IARS2: variants seen among roughly 807,000 people sequenced by gnomAD.
IARS2 encodes isoleucine--tRNA ligase, mitochondrial.
Under a neutral mutation model 126.3 loss-of-function variants are expected in IARS2, and 56 were observed. That is an observed-to-expected ratio of 0.44 (90% CI 0.36 to 0.55). The LOEUF (loss-of-function observed/expected upper bound fraction) is 0.55. Ranked by LOEUF, IARS2 falls within the 20% of genes least tolerant of loss-of-function variation. The pLI, the probability that IARS2 is intolerant of heterozygous loss-of-function variation, is 0.00. For synonymous variants in IARS2, 407 were observed against 441.1 expected (o/e 0.92, Z 0.97); for missense variants, 1,127 against 1,245.9 (o/e 0.90, Z 1.44).
At chr1:220,103,650 T>C in intron 8 of IARS2, 88 bp downstream of exon 8, 1 of 769,760 alleles carries the variant, frequency 1.3e-6, no homozygotes, top group South Asian at 1.5e-5. Flanking sequence ...ATATTTTGAA[T>C]TGAAACAGAT....
At position 220,107,236 on chromosome 1, in the gene IARS2, C is replaced by T. The variant is rs1173222158; in HGVS notation, c.1327+85C>T. 3.7e-6 allele frequency: 3 copies of T among 810,434 alleles called. No homozygotes were observed. The Admixed American group carries it at 6.6e-5, about 18-fold the overall frequency. The allele number at this position is 810,434 out of a possible 1,614,324, so 50.2% of individuals were successfully genotyped here. On this transcript the variant is annotated intron_variant, in intron 10 of 22. Transcript: ENST00000366922. ...TTGCTACCTATTTTCCCTCCTTATA[C>T]TTTAACAGAAACAAAAAAATAAATT...
intron 14 of IARS2, among the ~76,000 whole-genome samples, chr1:220,128,018 A>G (rs1657187933): frequency 6.6e-6 from 1 of 152,192 alleles, no homozygotes; most frequent in Non-Finnish European, 1.5e-5. Context: ...GACTGCATAT[A>G]TGATGATGGC....
chr1:220,101,990 G>A, intron 3 of IARS2, 139 bp from the exon 4 acceptor site: 1 of 716,070 alleles, frequency 1.4e-6, no homozygotes, highest in South Asian at 1.9e-5. Flanking sequence ...TAGCCTGGGT[G>A]ACAGCGAGAC....
In IARS2 at chr1:220,114,493, T is replaced by G. The variant is rs746091388; in HGVS notation, c.1640+19T>G. 1.3e-5 allele frequency: 20 copies of G among 1,570,826 alleles called. No homozygotes were observed. Among genetic ancestry groups the G allele is most frequent in the Admixed American group, 2.0e-5 (1 of 50,892 alleles). On this transcript the variant is annotated intron_variant, in intron 12 of 22. Transcript: ENST00000366922. ...TCAACAGGTAGAATGCTTTCTAAAA[T>G]TTTTTAGTGTTTTAAAGTGAAATAT...
At chr1:220,110,638 A>C (rs1392535233) in intron 10 of IARS2, 148 bp from the exon 11 acceptor site, 17 of 629,926 alleles carry the variant, frequency 2.7e-5, no homozygotes, top group Non-Finnish European at 4.7e-5. Context: ...TGCTGGGATT[A>C]CAGGTGTGAG....
At chr1:220,115,993 G>T (rs1036279668) in intron 12 of IARS2, among the ~76,000 whole-genome samples, 2 of 152,170 alleles carry the variant, frequency 1.3e-5, no homozygotes, top group Non-Finnish European at 2.9e-5. Flanking sequence ...GGCCAAGGCG[G>T]CAGGATTGCT....
rs565936699 is a variant in IARS2 at position 220,146,017 on chromosome 1, C to T, written c.2896+364C>T. ...TACTGGCCCAGTCCTGCCCACTGTT[C>T]CCCAGTATTGATTCTAAAATTTCCT... On this transcript the variant is annotated intron_variant, in intron 22 of 22. Transcript: ENST00000366922. Among the ~76,000 whole-genome samples the T allele has an allele frequency of 3.9e-5, 6 of 152,268 alleles. No homozygotes were observed. In the South Asian group the frequency reaches 8.3e-4, roughly 21 times the overall value.
At chr1:220,131,640 C>G (rs920017222) in intron 14 of IARS2, among the ~76,000 whole-genome samples, 3 of 152,116 alleles carry the variant, frequency 2.0e-5, no homozygotes, top group African/African-American at 7.2e-5. Context: ...GCGTGAGCCA[C>G]TCTGCCCAGC....
chr1:220,136,253 T>G (rs1052475510), intron 15 of IARS2, among the ~76,000 whole-genome samples: 1 of 152,108 alleles, frequency 6.6e-6, no homozygotes, highest in Non-Finnish European at 1.5e-5. Context: ...TGCCTCAGCC[T>G]CCCAAGTATC....
At chr1:220,108,357 G>A (rs1656723166) in intron 10 of IARS2, among the ~76,000 whole-genome samples, 1 of 150,544 alleles carries the variant, frequency 6.6e-6, no homozygotes, top group East Asian at 2.0e-4. Flanking sequence ...CCCTCACTGT[G>A]TCAGGCCATA....
Position 220,139,082 on chromosome 1 carries a change from C to T in IARS2, c.2250C>T (p.Asn750=), listed in dbSNP as rs770303018. 13 of 1,612,484 alleles carry T rather than the reference C, an allele frequency of 8.1e-6. 1 individual carries two copies. The highest frequency in any genetic ancestry group is 3.3e-5 in the Admixed American group (2 of 59,984). Residue 750 remains asparagine (N), a synonymous_variant, in exon 18 of 23, where the codon AAC becomes AAT. Transcript: ENST00000366922. ...CAGAAACAGATTCCATCCCTGTAAA[C>T]GATATGTATGTCATAGACCAGTACA... ...FNPETDSIPV[N]DMYVIDQYML... is the part of the protein sequence containing the mutation.
chr1:220,118,517 T>G (rs75779112), intron 12 of IARS2, among the ~76,000 whole-genome samples: 10,968 of 152,192 alleles, frequency 0.072, 603 homozygotes, highest in South Asian at 0.15. Context: ...GAATTTGGGT[T>G]GAAATCTGTT....
At chr1:220,147,237 G>A (rs1013712442) in intron 22 of IARS2, among the ~76,000 whole-genome samples, 17 of 152,172 alleles carry the variant, frequency 1.1e-4, no homozygotes, top group African/African-American at 3.9e-4. Context: ...CTGAGTAGAT[G>A]TAGAACTCGG....
chr1:220,142,278 C>CA (rs1657504882), intron 20 of IARS2, among the ~76,000 whole-genome samples: 1 of 152,162 alleles, frequency 6.6e-6, no homozygotes, highest in Non-Finnish European at 1.5e-5. Context: ...GTGGGCAGAT[C>CA]ACTTGAGGTC....
Position 220,135,166 on chromosome 1 carries a change from A to G in IARS2, c.1946+656A>G, listed in dbSNP as rs892065636. Among the ~76,000 whole-genome samples, 32 of 152,324 alleles carry G rather than the reference A, an allele frequency of 2.1e-4. No individual in the cohort carries two copies. In the East Asian group the frequency reaches 6.0e-3, roughly 28 times the overall value. On this transcript the variant is annotated intron_variant, in intron 15 of 22. Transcript: ENST00000366922. The stretch of plus-strand genomic sequence containing the variant: ...GACAGCCTGAGTGCAGATGTCCTTT[A>G]TATTTGTAATATCCACAGTGGCTAG...
At chr1:220,121,218 G>A (rs147913949) in intron 12 of IARS2, among the ~76,000 whole-genome samples, 278 of 152,196 alleles carry the variant, frequency 1.8e-3, no homozygotes, top group African/African-American at 6.1e-3. Context: ...GTTGTTTCTC[G>A]TAAGTGTAAT....
rs1196160445 is a variant in IARS2, at chr1:220,147,567, T to A, written c.2971T>A (p.Trp991Arg). ...PTTKEKCPRC[W>R]KYTAESSDTL... ...TACGAAAGAAAAATGCCCCCGTTGT[T>A]GGAAGTATACAGCGGAGTCTTCAGA... The change falls in exon 23 of 23, where the codon TGG becomes AGG. Residue 991 changes from tryptophan to arginine, a missense_variant. Transcript: ENST00000366922. 1 of 1,614,150 alleles carries A rather than the reference T, an allele frequency of 6.2e-7. No homozygotes were observed. Among genetic ancestry groups the A allele is most frequent in the Admixed American group, 1.7e-5 (1 of 60,028 alleles).
At chr1:220,125,158 A>G in intron 12 of IARS2, 79 bp from the exon 13 acceptor site, 1 of 781,608 alleles carries the variant, frequency 1.3e-6, no homozygotes, top group Non-Finnish European at 2.0e-6. Flanking sequence ...AAAATAAATC[A>G]CTATTTCTTA....
At chr1:220,106,950 G>A (rs1656693986) in intron 9 of IARS2, 111 bp from the exon 10 acceptor site, 1 of 777,396 alleles carries the variant, frequency 1.3e-6, no homozygotes, top group Non-Finnish European at 2.2e-6. Context: ...GAATTTCAAT[G>A]TAGAAAAAGA....
Sources: gnomAD v4.1 joint callset for allele counts (sites outside exome capture counted in the v4.1 genomes callset) on GRCh38, gnomAD v4.1.1 for gene constraint, MANE v1.5 for transcripts, NCBI Gene and HGNC (gene_info 2026-07-23, HGNC 2026-07-21) for gene names.